FBXO42: variants seen among roughly 807,000 people sequenced by gnomAD.
FBXO42 encodes F-box only protein 42.
FBXO42 carries 12 observed loss-of-function variants against 71.7 expected under a neutral mutation model. The ratio of observed to expected loss-of-function variants is 0.17; its 90% CI spans 0.11 to 0.27. The LOEUF (loss-of-function observed/expected upper bound fraction) is 0.27. FBXO42 is among the 10% of genes least tolerant of loss of function. The probability of loss-of-function intolerance (pLI) is 1.00; values close to 1 mark genes in which losing one functional copy is unlikely to be tolerated. For missense variants in FBXO42, 707 were observed against 911.9 expected (o/e 0.78, Z 2.89); for synonymous variants, 325 against 327.5 (o/e 0.99, Z 0.08).
intron 1 of FBXO42, among the ~76,000 whole-genome samples, chr1:16,349,569 G>A (rs1401626815): frequency 1.3e-5 from 2 of 152,234 alleles, no homozygotes; most frequent in Non-Finnish European, 2.9e-5. Flanking sequence ...TTTATAAAGA[G>A]TTAATTCAGG....
At chr1:16,271,594 C>G (rs904051747) in intron 4 of FBXO42, among the ~76,000 whole-genome samples, 1 of 151,908 alleles carries the variant, frequency 6.6e-6, no homozygotes, top group African/African-American at 2.4e-5. Context: ...AACTACCTTT[C>G]TAATACCCAC....
chr1:16,309,934 G>A (rs866276769), intron 2 of FBXO42, among the ~76,000 whole-genome samples: 3 of 151,860 alleles, frequency 2.0e-5, no homozygotes, highest in South Asian at 4.2e-4. Context: ...AGTGGCTCAC[G>A]CCTGTAATCC....
At position 16,250,674 on chromosome 1, in the gene FBXO42, C is replaced by G; in HGVS notation, c.2150G>C (p.Arg717Thr). The change falls in exon 10 of 10, where the codon AGA becomes ACA. Residue 717 changes from arginine to threonine, a missense_variant. This residue lies in a region of FBXO42 where 18 missense variants were observed against 22.3 expected (regional missense o/e 0.81). Transcript: ENST00000375592. The surrounding 1 kb of genome is among the most constrained non-coding windows in gnomAD (Gnocchi z 4.7). ...AGGAAAGGGGTTTAGAACACATTATCTCTTTGCTCGTACAAAGTACAAGGC... is the reference window on the plus strand; with the variant it reads ...AGGAAAGGGGTTTAGAACACATTATGTCTTTGCTCGTACAAAGTACAAGGC... ...TNALYFVRAK[R>T] The G allele has an allele frequency of 6.2e-7, 1 of 1,612,592 alleles. No homozygotes were observed. The highest frequency in any genetic ancestry group is 1.1e-5 in the South Asian group (1 of 90,990).
At chr1:16,256,861 G>A in intron 4 of FBXO42, 102 bp from the exon 5 acceptor site, 1 of 1,243,500 alleles carries the variant, frequency 8.0e-7, no homozygotes, top group Non-Finnish European at 1.1e-6. Flanking sequence ...CAACAAAAGG[G>A]GAACTAATAC....
At chr1:16,293,083 A>G (rs938925723) in intron 4 of FBXO42, 1 of 152,264 alleles carries the variant, frequency 6.6e-6, no homozygotes, top group Non-Finnish European at 1.5e-5. Flanking sequence ...TCTCCAAAGT[A>G]CAAAATTCTC....
At chr1:16,340,563 C>T (rs749398595) in intron 1 of FBXO42, among the ~76,000 whole-genome samples, 2 of 152,152 alleles carry the variant, frequency 1.3e-5, no homozygotes, top group Non-Finnish European at 2.9e-5. Context: ...AAGTGATCCA[C>T]CCACCTTGGC....
intron 1 of FBXO42, among the ~76,000 whole-genome samples, chr1:16,346,187 A>G (rs1376281581): frequency 2.0e-5 from 3 of 152,230 alleles, no homozygotes; most frequent in African/African-American, 7.2e-5. Flanking sequence ...GAAATTTATA[A>G]TGAAAAGCAA....
At chr1:16,332,372 T>A (rs185904319) in intron 1 of FBXO42, among the ~76,000 whole-genome samples, 15 of 152,220 alleles carry the variant, frequency 9.9e-5, no homozygotes, top group African/African-American at 3.1e-4. Context: ...ATTAAATATA[T>A]CTATTATTCT....
rs2081539761 is a variant in FBXO42 at position 16,246,901 on chromosome 1, C to T, written c.*3769G>A. 1 of 152,146 alleles carries T rather than the reference C, an allele frequency of 6.6e-6. No homozygotes were observed. The highest frequency in any genetic ancestry group is 1.5e-5 in the Non-Finnish European group (1 of 68,028). The allele number at this position is 152,146 out of a possible 1,614,324, so 9.4% of individuals were successfully genotyped here. On this transcript the variant is annotated 3_prime_UTR_variant, in exon 10 of 10. Transcript: ENST00000375592. ...AAAAGTCATCAGGGGAAAACATTAA[C>T]AAAAAATGAAATTGACAGATTTAAA... is the stretch of plus-strand genomic sequence containing the variant.
chr1:16,326,362 T>C (rs2082451723), intron 1 of FBXO42, among the ~76,000 whole-genome samples: 1 of 151,374 alleles, frequency 6.6e-6, no homozygotes. Flanking sequence ...AGCCTCTTTA[T>C]TGTTAATACA....
At chr1:16,258,788 G>A (rs2081677498) in intron 4 of FBXO42, among the ~76,000 whole-genome samples, 1 of 152,078 alleles carries the variant, frequency 6.6e-6, no homozygotes, top group South Asian at 2.1e-4. Flanking sequence ...CCAGGCTAGA[G>A]TGCAGTGATG....
intron 1 of FBXO42, among the ~76,000 whole-genome samples, chr1:16,334,172 G>A (rs1051474100): frequency 3.9e-5 from 6 of 152,016 alleles, no homozygotes; most frequent in Non-Finnish European, 8.8e-5. Flanking sequence ...GGTGGCTCAC[G>A]CCTGTAATCC....
At position 16,269,714 on chromosome 1, in the gene FBXO42, G is replaced by A. The variant is rs540633070; in HGVS notation, c.503-12955C>T. On this transcript the variant is annotated intron_variant, in intron 4 of 9. Transcript: ENST00000375592. ...CTAATTTTGTATTTTTAGTGGAGAC[G>A]GGGTTTCTCCATGTTGGTCAGGCTG... 5.9e-5 allele frequency among the ~76,000 whole-genome samples: 9 copies of A among 151,326 alleles called. No individual in the cohort carries two copies. The South Asian group carries it at 8.4e-4, about 14-fold the overall frequency.
At chr1:16,314,978 G>T (rs1361899160) in intron 2 of FBXO42, among the ~76,000 whole-genome samples, 191 bp downstream of exon 2, 1 of 152,036 alleles carries the variant, frequency 6.6e-6, no homozygotes, top group African/African-American at 2.4e-5. Flanking sequence ...ATGCAAATGG[G>T]ATTAGATACT....
intron 1 of FBXO42, among the ~76,000 whole-genome samples, chr1:16,344,924 C>T (rs1051847769): frequency 4.0e-5 from 6 of 151,688 alleles, no homozygotes; most frequent in Non-Finnish European, 7.4e-5. Context: ...CCTGGTGAAA[C>T]CCCATCTCTA....
At chr1:16,267,538 A>C (rs1569830454) in intron 4 of FBXO42, among the ~76,000 whole-genome samples, 1 of 152,188 alleles carries the variant, frequency 6.6e-6, no homozygotes, top group African/African-American at 2.4e-5. Context: ...TCAGGAGCTG[A>C]GATCAGGGTC....
intron 2 of FBXO42, among the ~76,000 whole-genome samples, chr1:16,307,577 T>C (rs1324468098): frequency 6.6e-6 from 1 of 150,688 alleles, no homozygotes; most frequent in South Asian, 2.1e-4. Context: ...TATGGAATCA[T>C]AACCTGTCTT....
intron 4 of FBXO42, among the ~76,000 whole-genome samples, chr1:16,271,824 G>T (rs147101916): frequency 9.5e-4 from 145 of 151,986 alleles, no homozygotes; most frequent in African/African-American, 3.1e-3. Flanking sequence ...TGCATACCTA[G>T]CATAGTCATT....
rs528333654 is a variant in FBXO42, at chr1:16,347,151, T to A, written c.-18+5104A>T. Among the ~76,000 whole-genome samples the A allele has an allele frequency of 3.0e-4, 45 of 152,312 alleles. 1 individual carries two copies. In the South Asian group the frequency reaches 9.1e-3, roughly 31 times the overall value. ...ATAAATACACTTATCTGTGTGTGTG[T>A]GTGCGCATCAAAGCATCACAAGATA... is the stretch of plus-strand genomic sequence containing the variant. On this transcript the variant is annotated intron_variant, in intron 1 of 9. Coordinates refer to ENST00000375592, the MANE Select transcript of FBXO42 (RefSeq NM_018994.3).
Sources: gnomAD v4.1 joint callset for allele counts (sites outside exome capture counted in the v4.1 genomes callset) on GRCh38, gnomAD v4.1.1 for gene constraint, gnomAD v4.1.1 regional missense constraint, Gnocchi (gnomAD v3.1) non-coding constraint, MANE v1.5 for transcripts, NCBI Gene and HGNC (gene_info 2026-07-23, HGNC 2026-07-21) for gene names.